The following GLI2 variants were observed in gnomAD, a reference collection of about 807,000 sequenced individuals.
GLI2 encodes the protein GLI family zinc finger 2.
GLI2 carries 22 observed loss-of-function variants against 78.9 expected under a neutral mutation model. The observed-to-expected ratio is 0.28, with a 90% CI of 0.20 to 0.40. The LOEUF is 0.40. GLI2 is among the 10% of genes least tolerant of loss of function. The pLI is 1.00. For synonymous variants in GLI2, 974 were observed against 963.7 expected (o/e 1.01, Z -0.20); for missense variants, 2,097 against 2,213.2 (o/e 0.95, Z 1.05).
intron 8 of GLI2, among the ~76,000 whole-genome samples, chr2:120,974,742 G>A (rs1038902903): frequency 1.1e-4 from 16 of 152,248 alleles, no homozygotes; most frequent in Non-Finnish European, 1.9e-4. Flanking sequence ...AGCTGTGGGC[G>A]GGGCTGAGTT....
chr2:120,758,171 C>T (rs969625254), intron 1 of GLI2, among the ~76,000 whole-genome samples: 3 of 152,128 alleles, frequency 2.0e-5, no homozygotes, highest in Non-Finnish European at 2.9e-5. Flanking sequence ...ACCACTTATC[C>T]GGGCCGCCTG....
At chr2:120,873,711 C>T (rs1688583679) in intron 2 of GLI2, among the ~76,000 whole-genome samples, 1 of 152,230 alleles carries the variant, frequency 6.6e-6, no homozygotes, top group African/African-American at 2.4e-5. Context: ...CCACCTGAGG[C>T]TGGGCTGGGA....
intron 3 of GLI2, among the ~76,000 whole-genome samples, chr2:120,928,513 A>T (rs1201010071): frequency 6.6e-6 from 1 of 152,122 alleles, no homozygotes; most frequent in East Asian, 1.9e-4. Context: ...CTGTGTCTCA[A>T]TGCTGACATG....
intron 2 of GLI2, among the ~76,000 whole-genome samples, chr2:120,850,296 G>GAGAAGAGAAC (rs1386161757): frequency 6.6e-6 from 1 of 151,146 alleles, no homozygotes; most frequent in Non-Finnish European, 1.5e-5. Context: ...TAGAGAAGGG[G>GAGAAGAGAAC]AGAACAGAAC....
At chr2:120,884,320 G>C (rs1296181738) in intron 2 of GLI2, among the ~76,000 whole-genome samples, 1 of 152,212 alleles carries the variant, frequency 6.6e-6, no homozygotes, top group Non-Finnish European at 1.5e-5. Context: ...GTAGGTAAAG[G>C]ACAGTATTGC....
intron 2 of GLI2, among the ~76,000 whole-genome samples, chr2:120,882,091 C>T (rs561309219): frequency 3.3e-5 from 5 of 152,244 alleles, no homozygotes; most frequent in African/African-American, 1.2e-4. Context: ...ATTCACACCA[C>T]TTCAGGAGTT....
intron 2 of GLI2, 86 bp downstream of exon 2, chr2:120,797,554 G>C: frequency 7.7e-7 from 1 of 1,302,062 alleles, no homozygotes; most frequent in Non-Finnish European, 1.1e-6. Flanking sequence ...GGCCCATGTC[G>C]TCAGGGAGGC....
At chr2:120,788,361 A>G (rs909195793) in intron 1 of GLI2, among the ~76,000 whole-genome samples, 1 of 152,204 alleles carries the variant, frequency 6.6e-6, no homozygotes, top group South Asian at 2.1e-4. Flanking sequence ...AAAGCATGGC[A>G]TCCTCGGTAG....
At chr2:120,856,548 C>T (rs1358612902) in intron 2 of GLI2, among the ~76,000 whole-genome samples, 1 of 152,174 alleles carries the variant, frequency 6.6e-6, no homozygotes, top group Non-Finnish European at 1.5e-5. Flanking sequence ...TGCCTGTAGA[C>T]TTTGCAGTGT....
chr2:120,813,353 G>A (rs1342704699), intron 2 of GLI2, among the ~76,000 whole-genome samples: 1 of 152,236 alleles, frequency 6.6e-6, no homozygotes, highest in East Asian at 1.9e-4. Context: ...GGTGGGGGAT[G>A]GCGTGGGTGC....
chr2:120,963,901 A>G (rs1185354582), intron 5 of GLI2, among the ~76,000 whole-genome samples: 6 of 152,360 alleles, frequency 3.9e-5, no homozygotes, highest in African/African-American at 1.4e-4. Flanking sequence ...CGATGATAGC[A>G]TTGAGTAAGT....
chr2:120,781,279 G>A (rs1055529713), intron 1 of GLI2, among the ~76,000 whole-genome samples: 1 of 152,106 alleles, frequency 6.6e-6, no homozygotes, highest in Non-Finnish European at 1.5e-5. Flanking sequence ...ATAGGGTGGT[G>A]GTCATAACTC....
At chr2:120,739,556 G>T (rs1682466641) in intron 1 of GLI2, among the ~76,000 whole-genome samples, 1 of 152,226 alleles carries the variant, frequency 6.6e-6, no homozygotes. Flanking sequence ...TTGCTTCTTG[G>T]AGGCTGTGGG....
chr2:120,790,880 C>A (rs11689085), intron 1 of GLI2, among the ~76,000 whole-genome samples: 2 of 152,082 alleles, frequency 1.3e-5, no homozygotes, highest in African/African-American at 2.4e-5. Context: ...CCCCCAGGGC[C>A]CTGCAGGCAG....
intron 8 of GLI2, chr2:120,972,758 C>T (rs1682251208): frequency 4.0e-6 from 2 of 497,032 alleles, no homozygotes; most frequent in South Asian, 2.9e-5. Context: ...GAAGACAGGA[C>T]AAGTTCAAGC....
intron 2 of GLI2, among the ~76,000 whole-genome samples, chr2:120,848,676 A>G (rs1360020021): frequency 6.6e-6 from 1 of 152,182 alleles, no homozygotes; most frequent in Non-Finnish European, 1.5e-5. Context: ...CATTTCTACT[A>G]AAAATAGCTA....
chr2:120,868,285 G>T lies in GLI2; in HGVS notation c.149-59076G>T, dbSNP rs188017901. 1.4e-4 allele frequency among the ~76,000 whole-genome samples: 20 copies of T among 140,160 alleles called. 1 individual carries two copies. The East Asian group carries it at 3.5e-3, about 24-fold the overall frequency. 92.0% of individuals were successfully genotyped at this position (140,160 alleles called of 152,430 possible). A position where few individuals can be genotyped will look rare whatever the true frequency, so the allele number is the denominator to read the frequency against. On this transcript the variant is annotated intron_variant, in intron 2 of 13. Transcript: ENST00000361492. ...TCCCGGGGGACCATGCTGTTTTCGCGTGAGGAATGAATTTGGGGAAAGTTA... is the reference window on the plus strand; with the variant it reads ...TCCCGGGGGACCATGCTGTTTTCGCTTGAGGAATGAATTTGGGGAAAGTTA...
At chr2:120,749,176 A>G (rs1200453593) in intron 1 of GLI2, among the ~76,000 whole-genome samples, 1 of 152,126 alleles carries the variant, frequency 6.6e-6, no homozygotes, top group African/African-American at 2.4e-5. Flanking sequence ...TTGTCTGTTT[A>G]TTTGTGCTTA....
chr2:120,932,483 G>A (rs1048022819), intron 3 of GLI2, among the ~76,000 whole-genome samples: 22 of 152,088 alleles, frequency 1.4e-4, no homozygotes, highest in African/African-American at 5.1e-4. Flanking sequence ...CTGCCCCTCC[G>A]GAGTACCTTG....
Sources: allele counts gnomAD v4.1 joint callset (sites outside exome capture counted in the v4.1 genomes callset), GRCh38; gene constraint gnomAD v4.1.1; transcripts MANE v1.5; gene names NCBI Gene and HGNC (gene_info 2026-07-23, HGNC 2026-07-21).